CDH13: variants seen among roughly 807,000 people sequenced by gnomAD.
The protein encoded by CDH13 is cadherin-13.
CDH13 carries 24 observed loss-of-function variants against 63.8 expected under a neutral mutation model. That is an observed-to-expected ratio of 0.38 (90% CI 0.27 to 0.53). CDH13 has a LOEUF of 0.53. Among genes scored for constraint, CDH13 ranks in the 20% least tolerant of loss-of-function variants. The pLI, the probability that CDH13 is intolerant of heterozygous loss-of-function variation, is 0.85. For synonymous variants in CDH13, 503 were observed against 355.3 expected, an observed-to-expected ratio of 1.42 and a Z score of -4.67; for missense variants, 1,049 against 903.1, an observed-to-expected ratio of 1.16 and a Z score of -2.07.
At chr16:82,999,150 C>T (rs756786114) in intron 2 of CDH13, among the ~76,000 whole-genome samples, 1 of 152,094 alleles carries the variant, frequency 6.6e-6, no homozygotes, top group African/African-American at 2.4e-5. Context: ...TTGGACTTGT[C>T]CTCTTATCTA....
At chr16:83,336,192 TC>T (rs2090591932) in intron 5 of CDH13, among the ~76,000 whole-genome samples, 1 of 150,622 alleles carries the variant, frequency 6.6e-6, no homozygotes, top group African/African-American at 2.4e-5. Flanking sequence ...TCGCAGCTAC[TC>T]AGGAGGCTGA....
intron 6 of CDH13, among the ~76,000 whole-genome samples, chr16:83,459,189 G>C (rs2073107030): frequency 6.6e-6 from 1 of 152,176 alleles, no homozygotes; most frequent in South Asian, 2.1e-4. Context: ...ACAGAACTCA[G>C]AAAATCCACT....
intron 1 of CDH13, among the ~76,000 whole-genome samples, chr16:82,758,316 C>T (rs1245012988): frequency 6.6e-6 from 1 of 152,150 alleles, no homozygotes; most frequent in African/African-American, 2.4e-5. Flanking sequence ...AGCTGGACAT[C>T]CAGGTCTCCT....
intron 6 of CDH13, among the ~76,000 whole-genome samples, chr16:83,469,890 C>T (rs2073411778): frequency 6.6e-6 from 1 of 152,204 alleles, no homozygotes; most frequent in African/African-American, 2.4e-5. Context: ...GCATTACACA[C>T]TGAGGAGGCT....
chr16:83,482,065 C>G (rs1376137082), intron 6 of CDH13, among the ~76,000 whole-genome samples: 1 of 152,192 alleles, frequency 6.6e-6, no homozygotes, highest in Non-Finnish European at 1.5e-5. Context: ...CAGCAAGGAC[C>G]TCCAAGGCGC....
At chr16:83,415,040 A>C (rs1000511695) in intron 6 of CDH13, among the ~76,000 whole-genome samples, 11 of 152,138 alleles carry the variant, frequency 7.2e-5, no homozygotes, top group African/African-American at 2.7e-4. Context: ...GGGAAAAAAG[A>C]GAGAAGATTC....
chr16:83,740,022 C>G (rs1042908520), intron 10 of CDH13: 18 of 152,116 alleles, frequency 1.2e-4, no homozygotes, highest in African/African-American at 4.3e-4. Context: ...AGCTGAGATC[C>G]TACAAAGCAC....
chr16:83,185,741 G>A (rs1473859279), intron 4 of CDH13, among the ~76,000 whole-genome samples: 1 of 152,170 alleles, frequency 6.6e-6, no homozygotes, highest in East Asian at 1.9e-4. Context: ...GAATAAACAG[G>A]CACTGTTGTT....
intron 8 of CDH13, among the ~76,000 whole-genome samples, chr16:83,666,340 A>G (rs983341724): frequency 6.6e-6 from 1 of 152,266 alleles, no homozygotes; most frequent in Admixed American, 6.5e-5. Context: ...GAGCTTCTAA[A>G]TGAATGCTCA....
At chr16:83,014,768 A>G (rs868063830) in intron 2 of CDH13, among the ~76,000 whole-genome samples, 2,090 of 44,778 alleles carry the variant, frequency 0.047, 226 homozygotes, top group Non-Finnish European at 0.057. Context: ...ATATATATAT[A>G]TATATATGTA....
chr16:82,900,485 C>A (rs1405228496), intron 2 of CDH13, among the ~76,000 whole-genome samples: 1 of 152,096 alleles, frequency 6.6e-6, no homozygotes, highest in Non-Finnish European at 1.5e-5. Flanking sequence ...GCTCAGCTGT[C>A]TTGAAAAAGC....
At chr16:83,328,269 A>G (rs981400837) in intron 5 of CDH13, among the ~76,000 whole-genome samples, 11 of 152,352 alleles carry the variant, frequency 7.2e-5, no homozygotes, top group African/African-American at 2.2e-4. Flanking sequence ...GCTGTTTTCT[A>G]GTTCTCAGAA....
intron 4 of CDH13, among the ~76,000 whole-genome samples, chr16:83,196,091 A>G (rs1417039812): frequency 3.3e-5 from 5 of 152,116 alleles, no homozygotes; most frequent in Non-Finnish European, 7.3e-5. Flanking sequence ...CCGCGTCTCT[A>G]CTAAAAATAC....
At chr16:83,702,674 C>T (rs1028809975) in intron 10 of CDH13, among the ~76,000 whole-genome samples, 1 of 152,194 alleles carries the variant, frequency 6.6e-6, no homozygotes. Context: ...TGCTCAAGGT[C>T]GGTGGCCATG....
chr16:83,662,321 C>T (rs1420477305), intron 8 of CDH13, among the ~76,000 whole-genome samples: 1 of 152,162 alleles, frequency 6.6e-6, no homozygotes, highest in Non-Finnish European at 1.5e-5. Flanking sequence ...CTAGTAGGTA[C>T]TCTCTCTTTG....
intron 1 of CDH13, among the ~76,000 whole-genome samples, chr16:82,737,386 T>C (rs938973511): frequency 2.0e-5 from 3 of 152,234 alleles, no homozygotes; most frequent in Non-Finnish European, 2.9e-5. Flanking sequence ...CCCTTCCATG[T>C]TATTTCCATT....
At chr16:83,664,780 T>A (rs1009537653) in intron 8 of CDH13, among the ~76,000 whole-genome samples, 5 of 152,114 alleles carry the variant, frequency 3.3e-5, no homozygotes, top group Admixed American at 1.3e-4. Context: ...CATAAAAGCA[T>A]CCATAATTGG....
chr16:83,056,103 T>C (rs887428179), intron 3 of CDH13, among the ~76,000 whole-genome samples: 2 of 152,124 alleles, frequency 1.3e-5, no homozygotes, highest in Non-Finnish European at 2.9e-5. Flanking sequence ...TATTAAAAGG[T>C]TTTTAGCATC....
At chr16:82,849,408 A>G (rs919235171) in intron 1 of CDH13, among the ~76,000 whole-genome samples, 2 of 152,176 alleles carry the variant, frequency 1.3e-5, no homozygotes, top group African/African-American at 4.8e-5. Context: ...AGGCCAAGGC[A>G]GGAGAATCGG....
Sources: gnomAD v4.1 joint callset for allele counts (sites outside exome capture counted in the v4.1 genomes callset) on GRCh38, gnomAD v4.1.1 for gene constraint, MANE v1.5 for transcripts, NCBI Gene and HGNC (gene_info 2026-07-23, HGNC 2026-07-21) for gene names.